The following BICC1 variants were observed in gnomAD, a reference collection of about 807,000 sequenced individuals.
BICC1 encodes protein bicaudal C homolog 1.
A neutral mutation model predicts 111.0 loss-of-function variants in BICC1; 43 were observed. The observed-to-expected ratio is 0.39, with a 90% CI of 0.30 to 0.50. The LOEUF (loss-of-function observed/expected upper bound fraction) is 0.50, where lower values mean the gene tolerates loss of function less well. BICC1 is among the 20% of genes least tolerant of loss of function. The probability of loss-of-function intolerance (pLI) is 0.88; values close to 1 mark genes in which losing one functional copy is unlikely to be tolerated. For synonymous variants in BICC1, 467 were observed against 434.4 expected (o/e 1.07, Z -0.93); for missense variants, 1,091 against 1,203.2 (o/e 0.91, Z 1.38).
chr10:58,720,853 G>A (rs796848440), intron 3 of BICC1, among the ~76,000 whole-genome samples: 35 of 152,282 alleles, frequency 2.3e-4, no homozygotes, highest in African/African-American at 7.7e-4. Context: ...TTTTTTGAAA[G>A]ATGAGTCAGC....
At chr10:58,565,482 A>G (rs1290469469) in intron 1 of BICC1, among the ~76,000 whole-genome samples, 2 of 152,180 alleles carry the variant, frequency 1.3e-5, no homozygotes, top group Non-Finnish European at 2.9e-5. Context: ...AAAGAGGGCA[A>G]TAATCCTCTG....
rs77437479 is a variant in BICC1, at chr10:58,664,914, A to G, written c.238-37160A>G. ...GTTGCTGTAGTTACCTTGAGTGCAA[A>G]CAGACTTCAGATTTCTCCAGTGGTG... On this transcript the variant is annotated intron_variant, in intron 2 of 20. Coordinates refer to ENST00000373886, the MANE Select transcript of BICC1 (RefSeq NM_001080512.3). 4.4e-3 allele frequency among the ~76,000 whole-genome samples: 677 copies of G among 152,194 alleles called. 12 individuals are homozygous for G. Among genetic ancestry groups the G allele is most frequent in the African/African-American group, 0.015 (643 of 41,526 alleles).
chr10:58,636,654 A>T (rs1343045331), intron 2 of BICC1, among the ~76,000 whole-genome samples: 2 of 152,118 alleles, frequency 1.3e-5, no homozygotes, highest in Admixed American at 6.5e-5. Flanking sequence ...TGAATCAATA[A>T]GTGAATGTAA....
intron 5 of BICC1, 62 bp from the exon 6 acceptor site, chr10:58,788,308 C>T: frequency 7.9e-7 from 1 of 1,259,338 alleles, no homozygotes. Context: ...TATAGATGAA[C>T]TGGAAAAGAG....
chr10:58,559,765 T>G (rs912538652), intron 1 of BICC1, among the ~76,000 whole-genome samples: 1 of 152,146 alleles, frequency 6.6e-6, no homozygotes, highest in African/African-American at 2.4e-5. Context: ...ACATTCCTTC[T>G]ATGTGTAATT....
At chr10:58,797,245 T>C (rs1411006166) in intron 10 of BICC1, among the ~76,000 whole-genome samples, 1 of 152,232 alleles carries the variant, frequency 6.6e-6, no homozygotes, top group Non-Finnish European at 1.5e-5. Flanking sequence ...GCATTTATTT[T>C]CCTTAATCAG....
chr10:58,718,742 A>ATGTG (rs371273354), intron 3 of BICC1, among the ~76,000 whole-genome samples: 5,759 of 148,430 alleles, frequency 0.039, 147 homozygotes, highest in African/African-American at 0.074. Context: ...TAGCATGGAA[A>ATGTG]TGTGTGTGTG....
intron 2 of BICC1, among the ~76,000 whole-genome samples, chr10:58,698,179 G>A (rs928360992): frequency 6.6e-6 from 1 of 152,154 alleles, no homozygotes; most frequent in Admixed American, 6.6e-5. Context: ...TTAAGCACAG[G>A]TACTTGGTGG....
At chr10:58,697,209 A>G (rs1840088896) in intron 2 of BICC1, among the ~76,000 whole-genome samples, 1 of 152,196 alleles carries the variant, frequency 6.6e-6, no homozygotes, top group Non-Finnish European at 1.5e-5. Flanking sequence ...ACTTAAACAT[A>G]TCACATGTTT....
chr10:58,594,991 C>T (rs1473116242), intron 1 of BICC1, among the ~76,000 whole-genome samples: 2 of 152,106 alleles, frequency 1.3e-5, no homozygotes, highest in African/African-American at 4.8e-5. Flanking sequence ...GGTACAAAGA[C>T]ACATATAGGC....
chr10:58,789,718 A>G lies in BICC1; in HGVS notation c.832A>G (p.Ser278Gly), dbSNP rs1189582777. 2 of 1,614,100 alleles carry G rather than the reference A, an allele frequency of 1.2e-6. No homozygotes were observed. The highest frequency in any genetic ancestry group is 4.5e-5 in the East Asian group (2 of 44,868). Residue 278 changes from serine to glycine, a missense_variant, in exon 8 of 21, where the codon AGC (serine) becomes GGC (glycine). Physicochemically the swap from Ser to Gly is moderately conservative, Grantham distance 56. Around this residue, in one of 3 missense-constraint regions of BICC1, gnomAD observed 843 missense variants for 900.8 expected, o/e 0.94. Transcript: ENST00000373886. ...TAMLLEHLAG[S>G]LASAIPVSTQ... ...CATGCTGTTAGAACATCTTGCTGGG[A>G]GCTTAGCATCAGCTATTCCTGTGAG...
At chr10:58,611,296 A>G (rs1406669192) in intron 1 of BICC1, among the ~76,000 whole-genome samples, 1 of 152,200 alleles carries the variant, frequency 6.6e-6, no homozygotes, top group Non-Finnish European at 1.5e-5. Context: ...CAAGAATTCT[A>G]CCACTCAAAT....
At chr10:58,588,747 A>G (rs1490683752) in intron 1 of BICC1, among the ~76,000 whole-genome samples, 1 of 152,194 alleles carries the variant, frequency 6.6e-6, no homozygotes, top group Non-Finnish European at 1.5e-5. Flanking sequence ...CTTTGAGTAT[A>G]CAAAAATAGT....
chr10:58,679,715 C>T (rs2132354828), intron 2 of BICC1, among the ~76,000 whole-genome samples: 1 of 152,228 alleles, frequency 6.6e-6, no homozygotes, highest in South Asian at 2.1e-4. Flanking sequence ...ATGCCAAAAC[C>T]TGGCAGAGAG....
At chr10:58,675,538 G>C (rs144663304) in intron 2 of BICC1, among the ~76,000 whole-genome samples, 174 of 152,252 alleles carry the variant, frequency 1.1e-3, no homozygotes, top group African/African-American at 4.1e-3. Flanking sequence ...GATACCATCT[G>C]TTATGAATTA....
intron 1 of BICC1, among the ~76,000 whole-genome samples, chr10:58,579,810 CAGG>C: frequency 6.6e-6 from 1 of 152,204 alleles, no homozygotes; most frequent in Admixed American, 6.5e-5. Flanking sequence ...GGTAAGTTTA[CAGG>C]GCAAAGAAAG....
chr10:58,662,079 C>T (rs4948534), intron 2 of BICC1, among the ~76,000 whole-genome samples: 151,542 of 152,298 alleles, frequency 1, 75,398 homozygotes, highest in Middle Eastern at 1. Flanking sequence ...CACATATGGG[C>T]GTGCAGTTCC....
intron 2 of BICC1, among the ~76,000 whole-genome samples, chr10:58,676,996 T>C (rs552752382): frequency 1.4e-4 from 22 of 152,218 alleles, no homozygotes; most frequent in African/African-American, 4.3e-4. Flanking sequence ...TAGAAAGCAG[T>C]AGCCTCAACG....
At chr10:58,710,039 C>T (rs907095475) in intron 3 of BICC1, among the ~76,000 whole-genome samples, 1 of 152,118 alleles carries the variant, frequency 6.6e-6, no homozygotes, top group African/African-American at 2.4e-5. Context: ...TAAGTGGGTC[C>T]TACCATTTGT....
Sources: gnomAD v4.1 joint callset for allele counts (sites outside exome capture counted in the v4.1 genomes callset) on GRCh38, gnomAD v4.1.1 for gene constraint, gnomAD v4.1.1 regional missense constraint, MANE v1.5 for transcripts, NCBI Gene and HGNC (gene_info 2026-07-23, HGNC 2026-07-21) for gene names.